Variants in STK4 observed in about 807,000 individuals in gnomAD.
The protein encoded by STK4 is serine/threonine-protein kinase 4.
A neutral mutation model predicts 64.9 loss-of-function variants in STK4; 30 were observed. The observed-to-expected ratio is 0.46, with a 90% CI of 0.35 to 0.63. The LOEUF (loss-of-function observed/expected upper bound fraction) is 0.63. STK4 is among the 20% of genes least tolerant of loss of function. The probability of loss-of-function intolerance (pLI) is 0.01; values close to 1 mark genes in which losing one functional copy is unlikely to be tolerated. For synonymous variants in STK4, 177 were observed against 199.0 expected, an observed-to-expected ratio of 0.89 and a Z score of 0.93; for missense variants, 466 against 598.5, an observed-to-expected ratio of 0.78 and a Z score of 2.31.
At chr20:45,021,721 T>G (rs1600489087) in intron 9 of STK4, among the ~76,000 whole-genome samples, 1 of 152,244 alleles carries the variant, frequency 6.6e-6, no homozygotes, top group Non-Finnish European at 1.5e-5. Context: ...CACTAAAATA[T>G]TTCTTGAGTC....
At chr20:44,968,749 A>G (rs1198830969) in intron 1 of STK4, among the ~76,000 whole-genome samples, 1 of 152,228 alleles carries the variant, frequency 6.6e-6, no homozygotes. Context: ...AAAATGTATT[A>G]AAAGCACAAG....
At chr20:45,043,533 T>C (rs1011930874) in intron 10 of STK4, among the ~76,000 whole-genome samples, 3 of 152,158 alleles carry the variant, frequency 2.0e-5, no homozygotes, top group South Asian at 2.1e-4. Context: ...CTAGAACCCA[T>C]AGGATACATT....
chr20:45,018,705 A>G (rs930916039), intron 9 of STK4, among the ~76,000 whole-genome samples: 1 of 150,694 alleles, frequency 6.6e-6, no homozygotes, highest in African/African-American at 2.4e-5. Flanking sequence ...TTAAAATTCT[A>G]TCTAATTTTT....
chr20:44,970,473 T>G (rs1449498302), intron 1 of STK4: 1 of 152,190 alleles, frequency 6.6e-6, no homozygotes, highest in Non-Finnish European at 1.5e-5. Flanking sequence ...TGTCCAATGT[T>G]TATACAATTA....
In STK4 at chr20:45,054,559, C is replaced by CTTT. The variant is rs776492833; in HGVS notation, c.1306-20443_1306-20441dup. On this transcript the variant is annotated intron_variant, in intron 10 of 10. Transcript: ENST00000372806. ...CCTGGGCAACAGTGGGACACCCTAT[C>CTTT]TTTTTTTTTTTTTTTTTTCAAAAAA... 1.8e-3 allele frequency among the ~76,000 whole-genome samples: 126 copies of CTTT among 71,636 alleles called. 1 individual carries two copies. The highest frequency in any genetic ancestry group is 6.3e-3 in the African/African-American group (120 of 19,160). The allele number at this position is 71,636 out of a possible 152,430, so 47.0% of individuals were successfully genotyped here.
At chr20:44,971,791 G>T (rs1391700191) in intron 1 of STK4, among the ~76,000 whole-genome samples, 2 of 149,944 alleles carry the variant, frequency 1.3e-5, no homozygotes, top group Admixed American at 1.3e-4. Flanking sequence ...ATGCTTCAGC[G>T]TCCTGAGTAG....
chr20:45,022,057 A>AT (rs35729576), intron 9 of STK4, among the ~76,000 whole-genome samples: 18,849 of 151,136 alleles, frequency 0.12, 1,526 homozygotes, highest in East Asian at 0.22. Flanking sequence ...ATTACTTTCC[A>AT]TTTTTTTTTA....
intron 10 of STK4, among the ~76,000 whole-genome samples, chr20:45,049,570 T>C (rs923970282): frequency 6.6e-6 from 1 of 152,178 alleles, no homozygotes; most frequent in Non-Finnish European, 1.5e-5. Flanking sequence ...CCATATACAA[T>C]CTGTCACATT....
chr20:45,008,274 C>T (rs193182564), intron 9 of STK4, among the ~76,000 whole-genome samples: 11 of 152,270 alleles, frequency 7.2e-5, no homozygotes, highest in East Asian at 5.8e-4. Context: ...AGGCTGGTCT[C>T]GAACTCCTGA....
intron 10 of STK4, among the ~76,000 whole-genome samples, chr20:45,048,965 T>C (rs1423188017): frequency 6.6e-6 from 1 of 152,194 alleles, no homozygotes; most frequent in Non-Finnish European, 1.5e-5. Flanking sequence ...GCCTGGAGGC[T>C]ATAGGTCCTG....
At chr20:45,025,203 G>T in intron 10 of STK4, 73 bp downstream of exon 10, 1 of 1,511,292 alleles carries the variant, frequency 6.6e-7, no homozygotes. Flanking sequence ...TAGTGCCCAA[G>T]CATTTTCTTG....
intron 10 of STK4, among the ~76,000 whole-genome samples, chr20:45,031,176 T>G (rs2068436036): frequency 2.1e-5 from 1 of 48,096 alleles, no homozygotes; most frequent in Non-Finnish European, 5.5e-5. Flanking sequence ...AATAGCGAAT[T>G]TTTTTTTTTT....
At chr20:44,971,929 C>T (rs2067255073) in intron 1 of STK4, 149 bp from the exon 2 acceptor site, 10 of 690,446 alleles carry the variant, frequency 1.4e-5, no homozygotes, top group Non-Finnish European at 2.4e-5. Flanking sequence ...TATCGGCCTC[C>T]CAAGAAACCT....
At chr20:44,995,005 T>TC (rs2067701683) in intron 5 of STK4, 85 bp from the exon 6 acceptor site, 1 of 1,161,808 alleles carries the variant, frequency 8.6e-7, no homozygotes, top group Non-Finnish European at 1.1e-6. Flanking sequence ...TTTTTTTTTT[T>TC]CTTCTTTTTT....
At chr20:45,047,191 ATCT>A (rs919952141) in intron 10 of STK4, among the ~76,000 whole-genome samples, 3 of 152,168 alleles carry the variant, frequency 2.0e-5, no homozygotes, top group Non-Finnish European at 4.4e-5. Context: ...GTTTTATACC[ATCT>A]TCTTTTCATA....
intron 10 of STK4, among the ~76,000 whole-genome samples, chr20:45,052,706 G>T (rs987643929): frequency 6.6e-6 from 1 of 152,128 alleles, no homozygotes; most frequent in Non-Finnish European, 1.5e-5. Context: ...CAGCACCTGC[G>T]CTCTCAGACT....
chr20:44,980,100 G>GTA (rs1308887587), intron 3 of STK4, among the ~76,000 whole-genome samples: 1 of 152,096 alleles, frequency 6.6e-6, no homozygotes, highest in African/African-American at 2.4e-5. Context: ...GACAGGCTAA[G>GTA]TATATATATA....
chr20:45,040,665 A>C (rs2068599125), intron 10 of STK4, among the ~76,000 whole-genome samples: 1 of 151,640 alleles, frequency 6.6e-6, no homozygotes, highest in African/African-American at 2.4e-5. Context: ...TCAGGTTTTT[A>C]AAATGGGAAA....
chr20:45,019,901 C>T lies in STK4; in HGVS notation c.1148-5072C>T, dbSNP rs147458574. ...CAACCTGACAAGCTGCTGTCCAGCACACTTGATCATCTATCTAGCTAACGG... is the reference window on the plus strand; with the variant it reads ...CAACCTGACAAGCTGCTGTCCAGCATACTTGATCATCTATCTAGCTAACGG... On this transcript the variant is annotated intron_variant, in intron 9 of 10. Transcript: ENST00000372806. Among the ~76,000 whole-genome samples, 671 of 152,304 alleles carry T rather than the reference C, an allele frequency of 4.4e-3. 6 individuals carry two copies. The highest frequency in any genetic ancestry group is 0.014 in the African/African-American group (581 of 41,566).
Sources: allele counts gnomAD v4.1 joint callset (sites outside exome capture counted in the v4.1 genomes callset), GRCh38; gene constraint gnomAD v4.1.1; transcripts MANE v1.5; gene names NCBI Gene and HGNC (gene_info 2026-07-23, HGNC 2026-07-21).